The following SAMMSON variants were observed in gnomAD, a reference collection of about 807,000 sequenced individuals.
SAMMSON encodes the protein long intergenic non-protein coding RNA 1212.
chr3:70,045,044 TA>T (rs1464172818), intron 3 of SAMMSON, among the ~76,000 whole-genome samples: 11 of 123,160 alleles, frequency 8.9e-5, no homozygotes, highest in Non-Finnish European at 1.7e-4. Context: ...TTATAATTAA[TA>T]TATATAATTA....
intron 4 of SAMMSON, among the ~76,000 whole-genome samples, chr3:70,214,551 C>T (rs2106731839): frequency 6.6e-6 from 1 of 151,126 alleles, no homozygotes; most frequent in Non-Finnish European, 1.5e-5. Context: ...ATGGCCCCCT[C>T]CCCAAGCTTC....
At chr3:70,368,285 T>C (rs1423904233) in intron 9 of SAMMSON, among the ~76,000 whole-genome samples, 2 of 151,382 alleles carry the variant, frequency 1.3e-5, no homozygotes, top group African/African-American at 2.4e-5. Context: ...TTTGTGAAGG[T>C]TTTTAATGAT....
intron 1 of SAMMSON, chr3:70,009,002 G>A (rs1049301738): frequency 1.2e-4 from 19 of 152,186 alleles, no homozygotes; most frequent in African/African-American, 3.1e-4. Flanking sequence ...CGTGATCATG[G>A]TGGATAAGCT....
intron 4 of SAMMSON, among the ~76,000 whole-genome samples, chr3:70,213,774 A>T (rs12492206): frequency 0.15 from 23,206 of 152,116 alleles, 2,523 homozygotes; most frequent in East Asian, 0.55. Flanking sequence ...AAATACAGGA[A>T]ATCATTCAAC....
At chr3:70,160,441 C>T (rs1275820032) in intron 4 of SAMMSON, among the ~76,000 whole-genome samples, 2 of 140,048 alleles carry the variant, frequency 1.4e-5, no homozygotes, top group African/African-American at 2.6e-5. Context: ...TGTTAAAACT[C>T]GAATTGTTTC....
intron 4 of SAMMSON, among the ~76,000 whole-genome samples, chr3:70,107,093 GC>G (rs1188127500): frequency 1.3e-5 from 2 of 152,158 alleles, no homozygotes; most frequent in African/African-American, 4.8e-5. Flanking sequence ...GCATAAATAT[GC>G]CATCAAGAAA....
chr3:70,199,636 T>C (rs1168170240), intron 4 of SAMMSON, among the ~76,000 whole-genome samples: 1 of 152,184 alleles, frequency 6.6e-6, no homozygotes. Flanking sequence ...CATGAGCAGG[T>C]AAAACTGTTT....
chr3:70,298,649 C>T (rs983341884), intron 7 of SAMMSON, among the ~76,000 whole-genome samples: 2 of 152,086 alleles, frequency 1.3e-5, no homozygotes, highest in African/African-American at 4.8e-5. Flanking sequence ...GGGAATCCAA[C>T]TGAATGAGTA....
At chr3:70,287,944 T>C (rs1199496321) in intron 6 of SAMMSON, among the ~76,000 whole-genome samples, 1 of 152,190 alleles carries the variant, frequency 6.6e-6, no homozygotes, top group Non-Finnish European at 1.5e-5. Context: ...TTGATTCTTC[T>C]CTCTTTTTTT....
chr3:70,108,422 C>CTTTTTTTTTTTTTTTTTTT (rs2067375543), intron 4 of SAMMSON, among the ~76,000 whole-genome samples: 1 of 52,068 alleles, frequency 1.9e-5, no homozygotes, highest in African/African-American at 7.3e-5. Flanking sequence ...TCTTGCGGTT[C>CTTTTTTTTTTTTTTTTTTT]CTTTTTTTTT....
chr3:70,323,333 A>G (rs1369710017), intron 7 of SAMMSON, among the ~76,000 whole-genome samples: 1 of 152,130 alleles, frequency 6.6e-6, no homozygotes, highest in South Asian at 2.1e-4. Context: ...ATACCATTCA[A>G]AGGAAAATTT....
chr3:70,309,403 AC>A (rs1702435788), intron 7 of SAMMSON, among the ~76,000 whole-genome samples: 1 of 152,224 alleles, frequency 6.6e-6, no homozygotes, highest in Non-Finnish European at 1.5e-5. Flanking sequence ...CTCTCAAAAA[AC>A]ATAACTGTAT....
At position 70,348,757 on chromosome 3, in the gene SAMMSON, G is replaced by A. The variant is rs138853510; in HGVS notation, n.740-5418G>A. Among the ~76,000 whole-genome samples the A allele has an allele frequency of 6.6e-5, 10 of 152,232 alleles. No individual in the cohort carries two copies. The East Asian group carries it at 1.7e-3, about 27-fold the overall frequency. On this transcript the variant is annotated intron_variant and non_coding_transcript_variant, in intron 7 of 9. Transcript: ENST00000642114. ...TAAGAGGTGAGAAGTGAGAAGTAACGGGGACACAGGTCACAGAGGACTTTG... is the reference window on the plus strand; with the variant it reads ...TAAGAGGTGAGAAGTGAGAAGTAACAGGGACACAGGTCACAGAGGACTTTG...
intron 4 of SAMMSON, among the ~76,000 whole-genome samples, chr3:70,208,650 T>C (rs1425181826): frequency 1.3e-5 from 2 of 152,000 alleles, no homozygotes; most frequent in Non-Finnish European, 2.9e-5. Flanking sequence ...CTTCTGCATT[T>C]GAGACAAGAA....
At chr3:70,190,851 C>T (rs1202334501) in intron 4 of SAMMSON, among the ~76,000 whole-genome samples, 1 of 152,110 alleles carries the variant, frequency 6.6e-6, no homozygotes, top group Non-Finnish European at 1.5e-5. Flanking sequence ...ACTTTATGTG[C>T]CAGGTGGTTT....
chr3:70,126,992 G>C (rs768506635), intron 4 of SAMMSON: 2 of 152,676 alleles, frequency 1.3e-5, no homozygotes, highest in Non-Finnish European at 2.9e-5. Flanking sequence ...TGGGATTATA[G>C]GAGTTGGCCA....
At chr3:70,400,607 C>G (rs1399127318) in intron 2 of SAMMSON, among the ~76,000 whole-genome samples, 1 of 152,106 alleles carries the variant, frequency 6.6e-6, no homozygotes, top group Non-Finnish European at 1.5e-5. Flanking sequence ...TATAGCAATA[C>G]TAAATGGACT....
chr3:70,128,161 G>T lies in SAMMSON; in HGVS notation n.507+56596G>T, dbSNP rs865804034. 3.9e-5 allele frequency among the ~76,000 whole-genome samples: 6 copies of T among 152,260 alleles called. No individual in the cohort carries two copies. In the East Asian group the frequency reaches 9.7e-4, roughly 25 times the overall value. On this transcript the variant is annotated intron_variant and non_coding_transcript_variant, in intron 4 of 9. Transcript: ENST00000642114. ...CTGTTCCCAGTTTCTAGGCATTCTT[G>T]CCTTCCGGCTGATCCTGACATTTGG...
At chr3:70,135,084 A>T (rs2067500213) in intron 4 of SAMMSON, among the ~76,000 whole-genome samples, 1 of 152,186 alleles carries the variant, frequency 6.6e-6, no homozygotes, top group Non-Finnish European at 1.5e-5. Context: ...TATTTTTCTG[A>T]TAACATGTCA....
Sources: allele counts gnomAD v4.1 joint callset (sites outside exome capture counted in the v4.1 genomes callset), GRCh38; gene constraint gnomAD v4.1.1; transcripts MANE v1.5; gene names NCBI Gene and HGNC (gene_info 2026-07-23, HGNC 2026-07-21).